Variants in NLGN1 observed in about 807,000 individuals in gnomAD.
NLGN1 encodes the protein neuroligin-1.
NLGN1 carries 12 observed loss-of-function variants against 65.5 expected under a neutral mutation model. The ratio of observed to expected loss-of-function variants is 0.18; its 90% CI spans 0.12 to 0.30. The LOEUF is 0.30. NLGN1 is among the 10% of genes least tolerant of loss of function. The probability of loss-of-function intolerance (pLI) is 1.00; values close to 1 mark genes in which losing one functional copy is unlikely to be tolerated. For synonymous variants in NLGN1, 350 were observed against 359.5 expected (o/e 0.97, Z 0.30); for missense variants, 750 against 1,007.1 (o/e 0.74, Z 3.46).
intron 4 of NLGN1, among the ~76,000 whole-genome samples, chr3:173,995,877 T>A (rs1425526761): frequency 6.6e-6 from 1 of 151,804 alleles, no homozygotes; most frequent in East Asian, 1.9e-4. Context: ...GTAGAGACAG[T>A]GTCTCAGTAT....
At position 174,001,338 on chromosome 3, in the gene NLGN1, GA is replaced by G. The variant is rs146358048; in HGVS notation, c.646+193517del. Among the ~76,000 whole-genome samples the G allele has an allele frequency of 3.9e-3, 565 of 144,364 alleles. 5 individuals are homozygous for G. The highest frequency in any genetic ancestry group is 0.011 in the African/African-American group (421 of 39,496). The allele number at this position is 144,364 out of a possible 152,430, so 94.7% of individuals were successfully genotyped here. A position where few individuals can be genotyped will look rare whatever the true frequency, so the allele number is the denominator to read the frequency against. ...GAGTTAGAAACAGATTTTTTTCTTT[GA>G]AAAAAAAAAATCAGAAAATTGGGAA... On this transcript the variant is annotated intron_variant, in intron 4 of 6. Coordinates refer to ENST00000457714, the Ensembl canonical transcript of NLGN1.
intron 4 of NLGN1, among the ~76,000 whole-genome samples, chr3:174,179,680 T>C (rs1416719419): frequency 2.6e-5 from 4 of 152,162 alleles, no homozygotes; most frequent in Admixed American, 2.6e-4. Context: ...GAGTAGTATA[T>C]ATTTTAGATA....
chr3:173,844,194 C>G (rs1301880266), intron 4 of NLGN1, among the ~76,000 whole-genome samples: 1 of 152,126 alleles, frequency 6.6e-6, no homozygotes, highest in Non-Finnish European at 1.5e-5. Context: ...GGGGTCCCTC[C>G]CACACCACAT....
chr3:173,502,753 G>A (rs1207143921), intron 2 of NLGN1, among the ~76,000 whole-genome samples: 1 of 152,032 alleles, frequency 6.6e-6, no homozygotes, highest in Admixed American at 6.6e-5. Flanking sequence ...ACAAATCACT[G>A]AATTTTAATC....
At chr3:174,139,103 G>C in intron 4 of NLGN1, among the ~76,000 whole-genome samples, 1 of 151,804 alleles carries the variant, frequency 6.6e-6, no homozygotes, top group East Asian at 1.9e-4. Flanking sequence ...CACAAGTGAT[G>C]ATAATTGACA....
At chr3:173,577,755 C>G (rs763691621) in intron 2 of NLGN1, among the ~76,000 whole-genome samples, 15 of 152,106 alleles carry the variant, frequency 9.9e-5, no homozygotes, top group Non-Finnish European at 2.1e-4. Flanking sequence ...CACACATGAT[C>G]TTAGAAAAAT....
At chr3:174,118,553 C>T (rs913393876) in intron 4 of NLGN1, among the ~76,000 whole-genome samples, 1 of 151,984 alleles carries the variant, frequency 6.6e-6, no homozygotes, top group Non-Finnish European at 1.5e-5. Flanking sequence ...ATTTTTTAAG[C>T]ATAATGTATT....
chr3:173,500,051 C>T (rs920132795), intron 2 of NLGN1, among the ~76,000 whole-genome samples: 5 of 152,114 alleles, frequency 3.3e-5, no homozygotes, highest in Admixed American at 2.0e-4. Flanking sequence ...ATTTCCTTCT[C>T]CTGCCTGATT....
intron 4 of NLGN1, among the ~76,000 whole-genome samples, chr3:173,862,828 A>G (rs985340704): frequency 1.4e-4 from 21 of 152,282 alleles, no homozygotes; most frequent in African/African-American, 4.8e-4. Context: ...ATTTACTCTG[A>G]ACTCCCAATA....
At chr3:174,236,929 C>G (rs1464857241) in intron 4 of NLGN1, among the ~76,000 whole-genome samples, 1 of 152,096 alleles carries the variant, frequency 6.6e-6, no homozygotes, top group Non-Finnish European at 1.5e-5. Context: ...TATATACACT[C>G]TGCTTCTAAA....
chr3:173,774,015 A>G (rs943900215), intron 3 of NLGN1, among the ~76,000 whole-genome samples: 1 of 152,230 alleles, frequency 6.6e-6, no homozygotes, highest in South Asian at 2.1e-4. Flanking sequence ...TGTCTAAGAA[A>G]CAGAAAGGAC....
intron 3 of NLGN1, among the ~76,000 whole-genome samples, chr3:173,773,711 G>A (rs748205994): frequency 2.0e-5 from 3 of 152,162 alleles, no homozygotes; most frequent in Non-Finnish European, 4.4e-5. Context: ...TTCTCACACA[G>A]TAGTGGGAGG....
At chr3:173,698,230 G>T (rs543652249) in intron 3 of NLGN1, among the ~76,000 whole-genome samples, 6 of 152,226 alleles carry the variant, frequency 3.9e-5, no homozygotes, top group African/African-American at 1.4e-4. Context: ...AAATGAATTT[G>T]ATGATAATGC....
At chr3:173,642,642 G>A (rs1466040613) in intron 3 of NLGN1, among the ~76,000 whole-genome samples, 4 of 152,288 alleles carry the variant, frequency 2.6e-5, no homozygotes, top group Admixed American at 2.6e-4. Flanking sequence ...CCTAGATCTA[G>A]TGCTGCCCTG....
chr3:173,983,532 C>A (rs1373417383), intron 4 of NLGN1, among the ~76,000 whole-genome samples: 1 of 152,168 alleles, frequency 6.6e-6, no homozygotes, highest in Non-Finnish European at 1.5e-5. Flanking sequence ...TACTGAATCA[C>A]AATCTCTGGG....
At chr3:174,142,483 G>C (rs771377277) in intron 4 of NLGN1, among the ~76,000 whole-genome samples, 1 of 152,078 alleles carries the variant, frequency 6.6e-6, no homozygotes, top group Non-Finnish European at 1.5e-5. Context: ...GAGTTAAAAG[G>C]TATGTTAGTA....
intron 4 of NLGN1, among the ~76,000 whole-genome samples, chr3:174,116,369 G>A (rs1405560939): frequency 8.7e-5 from 10 of 114,492 alleles, no homozygotes; most frequent in Admixed American, 5.2e-4. Flanking sequence ...AGACAGTCTC[G>A]CTCTATAGCC....
exon 7 of NLGN1, chr3:174,283,831 G>A (rs1751818818): frequency 6.6e-6 from 1 of 151,304 alleles, no homozygotes; most frequent in Non-Finnish European, 1.5e-5. Context: ...ACAAATAATT[G>A]TTTAGCATCT....
At chr3:174,201,344 AAT>A in intron 4 of NLGN1, among the ~76,000 whole-genome samples, 1 of 24,650 alleles carries the variant, frequency 4.1e-5, no homozygotes. Context: ...AGGTGGGAGG[AAT>A]GAAGGAAGGA....
Sources: gnomAD v4.1 joint callset for allele counts (sites outside exome capture counted in the v4.1 genomes callset) on GRCh38, gnomAD v4.1.1 for gene constraint, MANE v1.5 for transcripts, NCBI Gene and HGNC (gene_info 2026-07-23, HGNC 2026-07-21) for gene names.